The following PWWP3A variants were observed in gnomAD, a reference collection of about 807,000 sequenced individuals.
PWWP3A encodes PWWP domain containing 3A, DNA repair factor.
A neutral mutation model predicts 79.0 loss-of-function variants in PWWP3A; 53 were observed. The observed-to-expected ratio is 0.67, with a 90% CI of 0.54 to 0.84. The LOEUF (loss-of-function observed/expected upper bound fraction) is 0.84. Among genes scored for constraint, PWWP3A ranks in the 40% least tolerant of loss-of-function variants. The pLI is 0.00. For missense variants in PWWP3A, 973 were observed against 948.0 expected (o/e 1.03, Z -0.35); for synonymous variants, 443 against 394.4 (o/e 1.12, Z -1.46).
chr19:1,357,162 C>G lies in PWWP3A; in HGVS notation c.143+68C>G. ...ATTTCTGATACTTCAATCCCCTACT[C>G]CCCCAAAACAGTTGAAGCCCAGCCC... On this transcript the variant is annotated intron_variant, in intron 3 of 13. Transcript: ENST00000591337. 6 of 1,221,210 alleles carry G rather than the reference C, an allele frequency of 4.9e-6. No homozygotes were observed. The South Asian group carries it at 8.4e-5, about 17-fold the overall frequency. 75.6% of individuals were successfully genotyped at this position (1,221,210 alleles called of 1,614,324 possible).
chr19:1,355,016 A>G lies in PWWP3A; in HGVS notation c.-189A>G. 6.7e-6 allele frequency: 1 copy of G among 148,748 alleles called. No homozygotes were observed. Among genetic ancestry groups the G allele is most frequent in the Non-Finnish European group, 1.5e-5 (1 of 67,346 alleles). 9.2% of individuals were successfully genotyped at this position (148,748 alleles called of 1,614,324 possible). Reference sequence around the variant, plus strand: ...GCGGCGGCGGCGGCGGCGGTGGCGGAGGCGGTGAGCGCGGGCGGCGCGGAC... The same window carrying G: ...GCGGCGGCGGCGGCGGCGGTGGCGGGGGCGGTGAGCGCGGGCGGCGCGGAC... On this transcript the variant is annotated 5_prime_UTR_variant, in exon 1 of 14. Transcript: ENST00000591337.
At position 1,367,227 on chromosome 19, in the gene PWWP3A, G is replaced by A. The variant is rs11668809; in HGVS notation, c.1422+7G>A. 217,591 of 1,608,538 alleles carry A rather than the reference G, an allele frequency of 0.14. 15,555 individuals are homozygous for A. Among genetic ancestry groups the A allele is most frequent in the Non-Finnish European group, 0.14 (166,535 of 1,176,068 alleles). ...AGAGAAACAGACGCTTCTGGTAGGT[G>A]GATGATGTTTTGTGCTTGCTTTAAA... On this transcript the variant is annotated splice_region_variant and intron_variant, in intron 9 of 13. Coordinates refer to ENST00000591337, the MANE Select transcript of PWWP3A (RefSeq NM_001369789.1).
At chr19:1,362,755 A>G (rs1245150302) in intron 6 of PWWP3A, among the ~76,000 whole-genome samples, 3 of 152,206 alleles carry the variant, frequency 2.0e-5, no homozygotes, top group Admixed American at 1.3e-4. Context: ...GGGGCTGTCC[A>G]GGGAGGCAGG....
chr19:1,376,667 C>T lies in PWWP3A; in HGVS notation c.*91C>T. On this transcript the variant is annotated 3_prime_UTR_variant, in exon 14 of 14. Transcript: ENST00000591337. ...GTCTGAAGATGGGGGGCTCAGGGGG[C>T]ACGTTTGCGTTTGGACCTGTCTGTG... 1 of 1,315,010 alleles carries T rather than the reference C, an allele frequency of 7.6e-7. No individual in the cohort carries two copies. Among genetic ancestry groups the T allele is most frequent in the Non-Finnish European group, 1.1e-6 (1 of 922,894 alleles). 81.5% of individuals were successfully genotyped at this position (1,315,010 alleles called of 1,614,324 possible). A position where few individuals can be genotyped will look rare whatever the true frequency, so the allele number is the denominator to read the frequency against.
rs1267402124 is a variant in PWWP3A at position 1,377,640 on chromosome 19, T to TA, written c.*1066dup. On this transcript the variant is annotated 3_prime_UTR_variant, in exon 14 of 14. Transcript: ENST00000591337. Reference sequence around the variant, plus strand: ...GCTCCAGCAGGGTCAGACGTGCTGTTAAGAGCAAAGCCACAGACGATGACT... The same window carrying TA: ...GCTCCAGCAGGGTCAGACGTGCTGTTAAAGAGCAAAGCCACAGACGATGACT... 6.6e-6 allele frequency: 1 copy of TA among 152,296 alleles called. No homozygotes were observed. Among genetic ancestry groups the TA allele is most frequent in the Non-Finnish European group, 1.5e-5 (1 of 68,156 alleles). The allele number at this position is 152,296 out of a possible 1,614,324, so 9.4% of individuals were successfully genotyped here.
At chr19:1,365,557 C>T (rs968302945) in intron 7 of PWWP3A, among the ~76,000 whole-genome samples, 3 of 152,244 alleles carry the variant, frequency 2.0e-5, no homozygotes, top group African/African-American at 7.2e-5. Context: ...GTGTGGTGTT[C>T]GCTGGGGAGG....
intron 3 of PWWP3A, chr19:1,358,069 T>G (rs2081923266): frequency 3.3e-6 from 1 of 305,244 alleles, no homozygotes; most frequent in Non-Finnish European, 6.0e-6. Context: ...CATTACCATC[T>G]ACTCTGAAAA....
At position 1,367,023 on chromosome 19, in the gene PWWP3A, C is replaced by T. The variant is rs2526135; in HGVS notation, c.1362-137C>T. 3,762 of 656,658 alleles carry T rather than the reference C, an allele frequency of 5.7e-3. 117 individuals carry two copies. In the African/African-American group the frequency reaches 0.062, roughly 11 times the overall value. The allele number at this position is 656,658 out of a possible 1,614,324, so 40.7% of individuals were successfully genotyped here. ...GGGAGCTTCTTGGCAGCTGGGGAAA[C>T]GGTCACCTTCCATAAATAAGCTGGG... is the stretch of plus-strand genomic sequence containing the variant. On this transcript the variant is annotated intron_variant, in intron 8 of 13. Coordinates refer to ENST00000591337, the MANE Select transcript of PWWP3A (RefSeq NM_001369789.1).
chr19:1,357,937 G>A (rs542843381), intron 3 of PWWP3A: 6 of 162,768 alleles, frequency 3.7e-5, no homozygotes, highest in Non-Finnish European at 6.6e-5. Context: ...TCTGAAGCTC[G>A]CTTGGTCCCT....
At chr19:1,370,621 C>T (rs1177960307) in intron 11 of PWWP3A, 21 bp from the exon 12 acceptor site, 23 of 1,445,542 alleles carry the variant, frequency 1.6e-5, no homozygotes, top group East Asian at 5.0e-5. Flanking sequence ...GCTGGTCCCA[C>T]GACAGGTGCT....
intron 1 of PWWP3A, among the ~76,000 whole-genome samples, chr19:1,356,008 C>T (rs1393917937): frequency 6.6e-6 from 1 of 152,130 alleles, no homozygotes; most frequent in African/African-American, 2.4e-5. Flanking sequence ...AATGCCTCTC[C>T]TGCCGAGGTC....
chr19:1,366,395 C>G lies in PWWP3A; in HGVS notation c.1361+14C>G. 1 of 1,613,442 alleles carries G rather than the reference C, an allele frequency of 6.2e-7. No homozygotes were observed. The highest frequency in any genetic ancestry group is 8.5e-7 in the Non-Finnish European group (1 of 1,179,388). On this transcript the variant is annotated intron_variant, in intron 8 of 13. Coordinates refer to ENST00000591337, the MANE Select transcript of PWWP3A (RefSeq NM_001369789.1). Reference sequence around the variant, plus strand: ...GAAAATGAAAGGGTAACCCGCTGTTCTTGGTTTCTGTGAATGGGCCTGAGG... The same window carrying G: ...GAAAATGAAAGGGTAACCCGCTGTTGTTGGTTTCTGTGAATGGGCCTGAGG...
Position 1,360,133 on chromosome 19 carries a change from C to T in PWWP3A, c.215-3C>T. ...CGGCATTGTGTATGTTCGGTCCTTG[C>T]AGCCTCACAGAATGAGGTTCCTGCG... On this transcript the variant is annotated splice_region_variant and splice_polypyrimidine_tract_variant and intron_variant, in intron 4 of 13. Transcript: ENST00000591337. The surrounding 1 kb of genome is among the most constrained non-coding windows in gnomAD (Gnocchi z 4.4). 1.3e-6 allele frequency: 2 copies of T among 1,547,672 alleles called. No individual in the cohort carries two copies.
chr19:1,371,123 G>A (rs1301883954), intron 12 of PWWP3A, 45 bp downstream of exon 12: 20 of 1,543,432 alleles, frequency 1.3e-5, no homozygotes, highest in African/African-American at 1.2e-4. Context: ...AGGGGCCTGC[G>A]CTGGGATTTT....
intron 7 of PWWP3A, among the ~76,000 whole-genome samples, chr19:1,365,590 T>C (rs2082111024): frequency 1.3e-5 from 2 of 152,288 alleles, no homozygotes; most frequent in Non-Finnish European, 2.9e-5. Flanking sequence ...ATGGCCTAGC[T>C]GGGCTCCTTG....
Position 1,369,483 on chromosome 19 carries a change from T to TCTGGC in PWWP3A, c.1499-104_1499-100dup, listed in dbSNP as rs2082203534. 1.3e-6 allele frequency: 2 copies of TCTGGC among 1,503,936 alleles called. No homozygotes were observed. The highest frequency in any genetic ancestry group is 3.4e-5 in the Admixed American group (2 of 59,480). The allele number at this position is 1,503,936 out of a possible 1,614,324, so 93.2% of individuals were successfully genotyped here. On this transcript the variant is annotated intron_variant, in intron 10 of 13. Transcript: ENST00000591337. The surrounding 1 kb of genome is among the most constrained non-coding windows in gnomAD (Gnocchi z 4.0). The stretch of plus-strand genomic sequence containing the variant: ...GCATTCCCTGTGGGTGGGCTGGGGT[T>TCTGGC]CTGGCCTGGCCTGATTATTTCCTAA...
Position 1,376,291 on chromosome 19 carries a change from G to GTTTTTT in PWWP3A, c.2076-225_2076-224insTTTTTT, listed in dbSNP as rs1350699607. On this transcript the variant is annotated intron_variant, in intron 13 of 13. Coordinates refer to ENST00000591337, the MANE Select transcript of PWWP3A (RefSeq NM_001369789.1). ...CAGACATGCGCCACCACGCCCGGCT[G>GTTTTTT]TTTGTTTTTTTTTTTGTTTGTTTTT... 2.5e-3 allele frequency among the ~76,000 whole-genome samples: 128 copies of GTTTTTT among 50,830 alleles called. 13 individuals are homozygous for GTTTTTT. The highest frequency in any genetic ancestry group is 5.0e-3 in the Admixed American group (24 of 4,780). The allele number at this position is 50,830 out of a possible 152,430, so 33.3% of individuals were successfully genotyped here.
At position 1,370,795 on chromosome 19, in the gene PWWP3A, G is replaced by T; in HGVS notation, c.1703G>T (p.Arg568Leu). Reference sequence around the variant, plus strand: ...CTCCCCGACCGCTCGCGGGCCGCCCGGGACCGGGCCAACCAGAAGCTGGTG... The same window carrying T: ...CTCCCCGACCGCTCGCGGGCCGCCCTGGACCGGGCCAACCAGAAGCTGGTG... ...KMLPDRSRAARDRANQKLVEY... is the reference protein window; with the variant it reads ...KMLPDRSRAALDRANQKLVEY... The change falls in exon 12 of 14, where the codon CGG becomes CTG. Residue 568 changes from arginine to leucine, a missense_variant. Transcript: ENST00000591337. 2 of 1,556,096 alleles carry T rather than the reference G, an allele frequency of 1.3e-6. No homozygotes were observed. The highest frequency in any genetic ancestry group is 2.4e-5 in the East Asian group (1 of 42,094).
intron 4 of PWWP3A, chr19:1,359,395 G>C (rs1407544321): frequency 6.7e-6 from 1 of 149,980 alleles, no homozygotes; most frequent in East Asian, 2.0e-4. Context: ...GGATGGCGTC[G>C]TCCTTGTTGG....
Sources: allele counts gnomAD v4.1 joint callset (sites outside exome capture counted in the v4.1 genomes callset), GRCh38; gene constraint gnomAD v4.1.1; non-coding constraint Gnocchi (gnomAD v3.1); transcripts MANE v1.5; gene names NCBI Gene and HGNC (gene_info 2026-07-23, HGNC 2026-07-21).